Variants in HJURP observed in about 807,000 individuals in gnomAD.
HJURP encodes the protein Holliday junction recognition protein.
In HJURP, 49 loss-of-function variants were observed where a neutral mutation model predicts 72.0. The observed-to-expected ratio is 0.68, with a 90% confidence interval of 0.54 to 0.86. HJURP has a LOEUF of 0.86. HJURP is among the 40% of genes least tolerant of loss of function. HJURP has a pLI of 0.00. For synonymous variants in HJURP, 357 were observed against 347.1 expected (o/e 1.03, Z -0.32); for missense variants, 908 against 936.3 (o/e 0.97, Z 0.39).
chr2:233,845,779 CCTT>C lies in HJURP; in HGVS notation c.441_443del (p.Arg148del). On this transcript the variant is annotated inframe_deletion, in exon 6 of 9. Transcript: ENST00000411486. The stretch of plus-strand genomic sequence containing the variant: ...GTATATCCACTTGGGTCAAGTATTT[CCTT>C]CTTAATTCATTTTTCAAAGGGCTTT... 1 of 1,613,668 alleles carries C rather than the reference CCTT, an allele frequency of 6.2e-7. No individual in the cohort carries two copies. Among genetic ancestry groups the C allele is most frequent in the Non-Finnish European group, 8.5e-7 (1 of 1,179,590 alleles).
chr2:233,847,532 T>C lies in HJURP; in HGVS notation c.338-71A>G, dbSNP rs944418351. The C allele has an allele frequency of 3.9e-6, 5 of 1,285,916 alleles. No individual in the cohort carries two copies. The African/African-American group carries it at 5.9e-5, about 15-fold the overall frequency. 79.7% of individuals were successfully genotyped at this position (1,285,916 alleles called of 1,614,324 possible). A position where few individuals can be genotyped will look rare whatever the true frequency, so the allele number is the denominator to read the frequency against. On this transcript the variant is annotated intron_variant, in intron 4 of 8. Coordinates refer to ENST00000411486, the MANE Select transcript of HJURP (RefSeq NM_018410.5). ...GTGCATTTTCCTCTCAAGGATGGTT[T>C]TGGCATCACTTCGAGTAAGTTGTAC...
At position 233,842,260 on chromosome 2, in the gene HJURP, T is replaced by G. The variant is rs1705252832; in HGVS notation, c.575-55A>C. On this transcript the variant is annotated intron_variant, in intron 7 of 8. Transcript: ENST00000411486. ...GTGTGTTACCATTCTAAACCATCCATGTGCACAGATGACAGAACTTAAGAT... is the reference window on the plus strand; with the variant it reads ...GTGTGTTACCATTCTAAACCATCCAGGTGCACAGATGACAGAACTTAAGAT... 3 of 1,424,626 alleles carry G rather than the reference T, an allele frequency of 2.1e-6. No homozygotes were observed. In the Admixed American group the frequency reaches 6.6e-5, roughly 31 times the overall value. 88.2% of individuals were successfully genotyped at this position (1,424,626 alleles called of 1,614,324 possible). A position where few individuals can be genotyped will look rare whatever the true frequency, so the allele number is the denominator to read the frequency against.
intron 8 of HJURP, among the ~76,000 whole-genome samples, chr2:233,838,888 A>G (rs904958361): frequency 3.9e-5 from 6 of 152,176 alleles, no homozygotes; most frequent in African/African-American, 1.4e-4. Flanking sequence ...AAAAGCCCCA[A>G]GTGGGCACAG....
At chr2:233,851,181 A>AAT (rs1202095119) in intron 3 of HJURP, among the ~76,000 whole-genome samples, 2 of 152,260 alleles carry the variant, frequency 1.3e-5, no homozygotes, top group African/African-American at 4.8e-5. Flanking sequence ...GCACTGGTCT[A>AAT]ATGAGTGGAC....
intron 3 of HJURP, 36 bp downstream of exon 3, chr2:233,852,529 C>T: frequency 6.7e-7 from 1 of 1,482,806 alleles, no homozygotes. Context: ...TCCTCCACAG[C>T]AAGGTTATTT....
At position 233,841,180 on chromosome 2, in the gene HJURP, T is replaced by G. The variant is rs1307549333; in HGVS notation, c.1600A>C (p.Thr534Pro). The G allele has an allele frequency of 1.2e-6, 2 of 1,613,876 alleles. No homozygotes were observed. The highest frequency in any genetic ancestry group is 1.7e-6 in the Non-Finnish European group (2 of 1,180,004). ...AGGTCAGATGTCTGCTGCGGGCGAG[T>G]TGCGCTGTGTGTGGGGTTGGTCTTT... ...LPKTNPTHSA[T>P]RPQQTSDLHV... Residue 534 changes from threonine (T) to proline (P), a missense_variant, in exon 8 of 9, where the codon ACT becomes CCT. Physicochemically the swap from Thr to Pro is conservative, Grantham distance 38. Transcript: ENST00000411486.
intron 7 of HJURP, among the ~76,000 whole-genome samples, chr2:233,843,678 T>A (rs1705286594): frequency 6.6e-6 from 1 of 152,044 alleles, no homozygotes. Context: ...CCGGAAACGA[T>A]CAGGCAAACC....
chr2:233,840,683 A>C lies in HJURP; in HGVS notation c.2097T>G (p.Gly699=). The part of the protein sequence containing the change: ...QGSGRQGNSL[G]ASDGVDNTVR... ...CGGTGTTGTCCACCCCATCTGAGGC[A>C]CCCAGGGAATTGCCCTGGCGTCCGG... is the stretch of plus-strand genomic sequence containing the variant. Residue 699 remains glycine (G), a synonymous_variant, in exon 8 of 9, where the codon GGT becomes GGG. Coordinates refer to ENST00000411486, the MANE Select transcript of HJURP (RefSeq NM_018410.5). 1 of 1,613,984 alleles carries C rather than the reference A, an allele frequency of 6.2e-7. No homozygotes were observed. Among genetic ancestry groups the C allele is most frequent in the Non-Finnish European group, 8.5e-7 (1 of 1,179,972 alleles).
intron 8 of HJURP, among the ~76,000 whole-genome samples, chr2:233,839,453 G>A (rs1705162252): frequency 6.6e-6 from 1 of 152,252 alleles, no homozygotes; most frequent in Admixed American, 6.5e-5. Context: ...CCTGGAGCAG[G>A]TGGCCCTGAG....
intron 2 of HJURP, 37 bp from the exon 3 acceptor site, chr2:233,852,657 C>T (rs746298851): frequency 2.1e-6 from 3 of 1,463,280 alleles, no homozygotes; most frequent in Non-Finnish European, 2.9e-6. Flanking sequence ...TTTACATAAT[C>T]CTGAACGCTG....
intron 6 of HJURP, 98 bp from the exon 7 acceptor site, chr2:233,844,381 A>G: frequency 8.1e-6 from 7 of 859,682 alleles, no homozygotes; most frequent in Non-Finnish European, 1.4e-5. Flanking sequence ...TGTGCATCTT[A>G]GCACAGCCAT....
In HJURP at chr2:233,848,293, G is replaced by A. The variant is rs192429684; in HGVS notation, c.338-832C>T. On this transcript the variant is annotated intron_variant, in intron 4 of 8. Coordinates refer to ENST00000411486, the MANE Select transcript of HJURP (RefSeq NM_018410.5). ...CTAAAGAGCTCAGATAAGAGTGGGG[G>A]TCTGTTCCAGCCTGGGGATCACAGG... is the stretch of plus-strand genomic sequence containing the variant. Among the ~76,000 whole-genome samples the A allele has an allele frequency of 3.2e-4, 49 of 152,262 alleles. No individual in the cohort carries two copies. The East Asian group carries it at 6.6e-3, about 20-fold the overall frequency.
rs781486203 is a variant in HJURP at position 233,853,858 on chromosome 2, T to A, written c.170A>T (p.Tyr57Phe). The A allele has an allele frequency of 2.5e-6, 4 of 1,613,902 alleles. No individual in the cohort carries two copies. Among genetic ancestry groups the A allele is most frequent in the Non-Finnish European group, 3.4e-6 (4 of 1,179,900 alleles). The change falls in exon 2 of 9, where the codon TAC becomes TTC. Residue 57 changes from tyrosine (Y) to phenylalanine (F), a missense_variant. Coordinates refer to ENST00000411486, the MANE Select transcript of HJURP (RefSeq NM_018410.5). ...AAGACCCTTACCCTGTGGCGTCTCG[T>A]AGGTCAGCGTGGCCATTTGCACCAC... ...TPVVQMATLT[Y>F]ETPQGLRIWG...
At chr2:233,842,365 T>G (rs1705255071) in intron 7 of HJURP, among the ~76,000 whole-genome samples, 160 bp from the exon 8 acceptor site, 1 of 152,232 alleles carries the variant, frequency 6.6e-6, no homozygotes, top group African/African-American at 2.4e-5. Context: ...TTCTCAGAGA[T>G]ATTTTTTGGT....
At position 233,847,294 on chromosome 2, in the gene HJURP, A is replaced by G. The variant is rs1288431280; in HGVS notation, c.402+103T>C. 5 of 845,450 alleles carry G rather than the reference A, an allele frequency of 5.9e-6. No homozygotes were observed. In the East Asian group the frequency reaches 1.3e-4, roughly 21 times the overall value. 52.4% of individuals were successfully genotyped at this position (845,450 alleles called of 1,614,324 possible). A position where few individuals can be genotyped will look rare whatever the true frequency, so the allele number is the denominator to read the frequency against. On this transcript the variant is annotated intron_variant, in intron 5 of 8. Coordinates refer to ENST00000411486, the MANE Select transcript of HJURP (RefSeq NM_018410.5). ...CCAGCCTCAGGAGAGGACTTCCAGA[A>G]AAGTGCAGGCAGCGCTGCCCGCCTC...
chr2:233,840,156 C>T (rs547288036), intron 8 of HJURP, among the ~76,000 whole-genome samples: 1 of 152,046 alleles, frequency 6.6e-6, no homozygotes, highest in Non-Finnish European at 1.5e-5. Flanking sequence ...ATACTGTGCT[C>T]GTGGCTCTCC....
At chr2:233,837,936 G>T (rs1705118603) in intron 8 of HJURP, among the ~76,000 whole-genome samples, 1 of 152,208 alleles carries the variant, frequency 6.6e-6, no homozygotes, top group African/African-American at 2.4e-5. Flanking sequence ...AGTGAATTTA[G>T]GAGTTCTAAG....
rs1206188443 is a variant in HJURP at position 233,841,423 on chromosome 2, G to C, written c.1357C>G (p.Pro453Ala). The C allele has an allele frequency of 6.2e-7, 1 of 1,614,058 alleles. No individual in the cohort carries two copies. Among genetic ancestry groups the C allele is most frequent in the Non-Finnish European group, 8.5e-7 (1 of 1,180,032 alleles). Residue 453 changes from proline (P) to alanine (A), a missense_variant, in exon 8 of 9, where the codon CCT becomes GCT. Pro to Ala is a conservative substitution (Grantham distance 27). Around this residue, in one of 3 missense-constraint regions of HJURP, gnomAD observed 598 missense variants for 619.5 expected, o/e 0.97. Coordinates refer to ENST00000411486, the MANE Select transcript of HJURP (RefSeq NM_018410.5). ...REYCLSPRNQ[P>A]RRMCLPDSWA... The stretch of plus-strand genomic sequence containing the variant: ...GAGTCCGGGAGGCACATCCGGCGAG[G>C]CTGGTTCCTGGGACTCAGGCAATAT...
chr2:233,854,406 C>A lies in HJURP; in HGVS notation c.95G>T (p.Arg32Leu), dbSNP rs1161711402. The A allele has an allele frequency of 6.2e-7, 1 of 1,604,646 alleles. No individual in the cohort carries two copies. Reference sequence around the variant, plus strand: ...CACCTTCTCTATCAGCCGCTGCATGCGCCTCTGGAAGCGGCGGCGACTGGC... The same window carrying A: ...CACCTTCTCTATCAGCCGCTGCATGAGCCTCTGGAAGCGGCGGCGACTGGC... ...LRASRRRFQR[R>L]MQRLIEKYNQ... Residue 32 changes from arginine to leucine, a missense_variant, in exon 1 of 9, where the codon CGC becomes CTC. Coordinates refer to ENST00000411486, the MANE Select transcript of HJURP (RefSeq NM_018410.5).
Sources: gnomAD v4.1 joint callset for allele counts (sites outside exome capture counted in the v4.1 genomes callset) on GRCh38, gnomAD v4.1.1 for gene constraint, gnomAD v4.1.1 regional missense constraint, MANE v1.5 for transcripts, NCBI Gene and HGNC (gene_info 2026-07-23, HGNC 2026-07-21) for gene names.